The following SMAD9 variants were observed in gnomAD, a reference collection of about 807,000 sequenced individuals.
The protein encoded by SMAD9 is MAD homolog 9.
A neutral mutation model predicts 46.1 loss-of-function variants in SMAD9; 36 were observed. The observed-to-expected ratio is 0.78, with a 90% CI of 0.60 to 1.03. SMAD9 has a LOEUF of 1.03. Ranked by LOEUF, SMAD9 falls within the 50% of genes least tolerant of loss-of-function variation. The pLI is 0.00. For synonymous variants in SMAD9, 245 were observed against 237.1 expected, an observed-to-expected ratio of 1.03 and a Z score of -0.31; for missense variants, 572 against 599.8, an observed-to-expected ratio of 0.95 and a Z score of 0.48.
rs60358673 is a variant in SMAD9, at chr13:36,905,774, CAAAAAAAAAAAAAAAAAAAA to C, written c.-187+14322_-187+14341del. On this transcript the variant is annotated intron_variant, in intron 1 of 6. Coordinates refer to ENST00000379826, the MANE Select transcript of SMAD9 (RefSeq NM_001127217.3). ...TAGATAAAAGGGCAAGACCCTGTCT[CAAAAAAAAAAAAAAAAAAAA>C]AAAAAAAAAAAAAAAAAAAAACTTA... Among the ~76,000 whole-genome samples, 56 of 66,460 alleles carry C rather than the reference CAAAAAAAAAAAAAAAAAAAA, an allele frequency of 8.4e-4. 1 individual carries two copies. Among genetic ancestry groups the C allele is most frequent in the African/African-American group, 1.2e-3 (21 of 17,256 alleles). The allele number at this position is 66,460 out of a possible 152,430, so 43.6% of individuals were successfully genotyped here.
At chr13:36,915,578 TA>T (rs1462764749) in intron 1 of SMAD9, among the ~76,000 whole-genome samples, 2 of 152,156 alleles carry the variant, frequency 1.3e-5, no homozygotes, top group Non-Finnish European at 2.9e-5. Flanking sequence ...TTTTGATATT[TA>T]ATATCTAAAA....
Position 36,906,617 on chromosome 13 carries a change from T to C in SMAD9, c.-187+13499A>G, listed in dbSNP as rs1397359817. Among the ~76,000 whole-genome samples, 4 of 152,310 alleles carry C rather than the reference T, an allele frequency of 2.6e-5. No homozygotes were observed. In the South Asian group the frequency reaches 8.3e-4, roughly 32 times the overall value. ...AGAATAGACACTTCTCCAAAGAAGA[T>C]ATACAAATGGCAAATAAGCACATAA... On this transcript the variant is annotated intron_variant, in intron 1 of 6. Transcript: ENST00000379826.
At chr13:36,904,338 G>A (rs965649783) in intron 1 of SMAD9, among the ~76,000 whole-genome samples, 1 of 152,202 alleles carries the variant, frequency 6.6e-6, no homozygotes, top group Non-Finnish European at 1.5e-5. Flanking sequence ...ACAACAATAT[G>A]TGAAGTGTAT....
At chr13:36,872,159 A>G (rs2058301301) in intron 3 of SMAD9, among the ~76,000 whole-genome samples, 1 of 152,086 alleles carries the variant, frequency 6.6e-6, no homozygotes. Flanking sequence ...CTGGCTTCAC[A>G]TGGCAGAAAG....
At position 36,890,627 on chromosome 13, in the gene SMAD9, C is replaced by T. The variant is rs553598044; in HGVS notation, c.-186-10752G>A. Reference sequence around the variant, plus strand: ...CTTTGTTTAAAGTAGGTGTTTAAAACTGGTTTTGCAGGTAACTAGGCACAT... The same window carrying T: ...CTTTGTTTAAAGTAGGTGTTTAAAATTGGTTTTGCAGGTAACTAGGCACAT... On this transcript the variant is annotated intron_variant, in intron 1 of 6. Transcript: ENST00000379826. 3.9e-4 allele frequency among the ~76,000 whole-genome samples: 59 copies of T among 152,254 alleles called. 1 individual carries two copies. The South Asian group carries it at 8.5e-3, about 22-fold the overall frequency.
At chr13:36,882,110 G>C (rs1261334445) in intron 1 of SMAD9, among the ~76,000 whole-genome samples, 1 of 151,840 alleles carries the variant, frequency 6.6e-6, no homozygotes, top group Non-Finnish European at 1.5e-5. Context: ...CAATGAATTG[G>C]AACAAAACAG....
intron 1 of SMAD9, among the ~76,000 whole-genome samples, chr13:36,913,892 T>C (rs1192942153): frequency 6.6e-6 from 1 of 152,232 alleles, no homozygotes; most frequent in African/African-American, 2.4e-5. Context: ...CATTCTTGGC[T>C]TCTAATAATC....
chr13:36,855,850 G>A (rs560678054), intron 5 of SMAD9, among the ~76,000 whole-genome samples: 1 of 152,220 alleles, frequency 6.6e-6, no homozygotes, highest in Non-Finnish European at 1.5e-5. Flanking sequence ...AACTGAGCCA[G>A]GGTCGCACAG....
In SMAD9 at chr13:36,848,355, A is replaced by G; in HGVS notation, c.*321T>C. On this transcript the variant is annotated 3_prime_UTR_variant, in exon 7 of 7. Coordinates refer to ENST00000379826, the MANE Select transcript of SMAD9 (RefSeq NM_001127217.3). ...TGTGAGGCCACACAACATGCTTTAT[A>G]ATGACACGGCTGACTAAAGCTGTCT... The G allele has an allele frequency of 2.9e-6, 1 of 346,724 alleles. No homozygotes were observed. The highest frequency in any genetic ancestry group is 6.7e-5 in the East Asian group (1 of 14,826). 21.5% of individuals were successfully genotyped at this position (346,724 alleles called of 1,614,324 possible). A position where few individuals can be genotyped will look rare whatever the true frequency, so the allele number is the denominator to read the frequency against.
At chr13:36,852,091 A>G (rs577983619) in intron 6 of SMAD9, 35 of 976,410 alleles carry the variant, frequency 3.6e-5, no homozygotes, top group Admixed American at 1.2e-4. Flanking sequence ...TCAAAACACT[A>G]AATTTGAATG....
At chr13:36,907,714 C>T (rs1229706764) in intron 1 of SMAD9, among the ~76,000 whole-genome samples, 4 of 152,116 alleles carry the variant, frequency 2.6e-5, no homozygotes, top group African/African-American at 7.2e-5. Context: ...AATTGCATTA[C>T]TATTTATATT....
intron 1 of SMAD9, among the ~76,000 whole-genome samples, chr13:36,894,340 G>A (rs921768745): frequency 6.6e-6 from 1 of 152,032 alleles, no homozygotes; most frequent in South Asian, 2.1e-4. Flanking sequence ...TTCCTCTTTC[G>A]CTTGGCTCTC....
chr13:36,868,724 C>T (rs1300749368), intron 3 of SMAD9, among the ~76,000 whole-genome samples: 4 of 151,904 alleles, frequency 2.6e-5, no homozygotes, highest in Non-Finnish European at 2.9e-5. Context: ...CAAAACAAGG[C>T]CCTGTCTCTA....
At chr13:36,853,208 C>T (rs1258051156) in intron 6 of SMAD9, among the ~76,000 whole-genome samples, 2 of 152,110 alleles carry the variant, frequency 1.3e-5, no homozygotes, top group African/African-American at 2.4e-5. Context: ...TCGCTTGAAC[C>T]CGGGAGGCAG....
chr13:36,914,707 G>C (rs890797045), intron 1 of SMAD9, among the ~76,000 whole-genome samples: 1 of 152,152 alleles, frequency 6.6e-6, no homozygotes, highest in African/African-American at 2.4e-5. Flanking sequence ...GAAACTGATG[G>C]AATCTGTGAA....
intron 1 of SMAD9, among the ~76,000 whole-genome samples, chr13:36,888,760 G>A (rs1376123632): frequency 6.6e-6 from 1 of 152,168 alleles, no homozygotes; most frequent in Admixed American, 6.5e-5. Flanking sequence ...GTGAGGAAGT[G>A]GGGAGACATT....
At position 36,872,996 on chromosome 13, in the gene SMAD9, T is replaced by C. The variant is rs1335773571; in HGVS notation, c.413-81A>G. ...ACAGAGTGGATACTTGCTGTTCTTA[T>C]CTATTTTTTGTTTATGATAGAGCTG... On this transcript the variant is annotated intron_variant, in intron 2 of 6. Transcript: ENST00000379826. The C allele has an allele frequency of 4.6e-6, 7 of 1,522,724 alleles. No homozygotes were observed. In the Admixed American group the frequency reaches 7.0e-5, roughly 15 times the overall value. 94.3% of individuals were successfully genotyped at this position (1,522,724 alleles called of 1,614,324 possible).
intron 1 of SMAD9, among the ~76,000 whole-genome samples, chr13:36,919,444 A>C (rs558028983): frequency 1.1e-4 from 16 of 152,232 alleles, no homozygotes; most frequent in Admixed American, 1.0e-3. Context: ...GAGACACTTC[A>C]ACAACATTCC....
chr13:36,888,273 T>C (rs2058463803), intron 1 of SMAD9, among the ~76,000 whole-genome samples: 1 of 152,192 alleles, frequency 6.6e-6, no homozygotes, highest in South Asian at 2.1e-4. Context: ...CTCGTGATAA[T>C]GAGTTCTCAT....
Sources: allele counts gnomAD v4.1 joint callset (sites outside exome capture counted in the v4.1 genomes callset), GRCh38; gene constraint gnomAD v4.1.1; transcripts MANE v1.5; gene names NCBI Gene and HGNC (gene_info 2026-07-23, HGNC 2026-07-21).